FOXP1: variants seen among roughly 807,000 people sequenced by gnomAD.
FOXP1 encodes forkhead box protein P1.
In FOXP1, 15 loss-of-function variants were observed where a neutral mutation model predicts 98.2. The ratio of observed to expected loss-of-function variants is 0.15; its 90% confidence interval spans 0.10 to 0.24. FOXP1 has a LOEUF of 0.24. Ranked by LOEUF, FOXP1 falls within the 10% of genes least tolerant of loss-of-function variation. The probability of loss-of-function intolerance (pLI) is 1.00; values close to 1 mark genes in which losing one functional copy is unlikely to be tolerated. For missense variants in FOXP1, 633 were observed against 848.5 expected (o/e 0.75, Z 3.15); for synonymous variants, 371 against 314.5 (o/e 1.18, Z -1.90).
intron 4 of FOXP1, among the ~76,000 whole-genome samples, chr3:71,309,392 AT>A (rs539420592): frequency 0.029 from 4,332 of 147,630 alleles, 200 homozygotes; most frequent in African/African-American, 0.097. Context: ...TTATAACGTA[AT>A]TTTTTTTTTT....
Position 71,001,073 on chromosome 3 carries a change from T to C in FOXP1, c.975-14A>G, listed in dbSNP as rs201374957. ...CTGTTGAGATGTCTGCAACAATACA[T>C]AGAAAATCATTAAGTGAAATGGAGA... is the stretch of plus-strand genomic sequence containing the variant. On this transcript the variant is annotated splice_polypyrimidine_tract_variant and intron_variant, in intron 12 of 20. Transcript: ENST00000649528. 1,704 of 1,587,914 alleles carry C rather than the reference T, an allele frequency of 1.1e-3. 2 individuals carry two copies. The highest frequency in any genetic ancestry group is 1.5e-3 in the Admixed American group (87 of 59,960).
intron 5 of FOXP1, among the ~76,000 whole-genome samples, chr3:71,273,573 C>T (rs1197320905): frequency 1.3e-5 from 2 of 152,154 alleles, no homozygotes; most frequent in African/African-American, 2.4e-5. Context: ...AGTCCTACGC[C>T]GCCTCCATTA....
chr3:71,581,454 C>CA, intron 2 of FOXP1, 95 bp downstream of exon 2: 2 of 985,496 alleles, frequency 2.0e-6, no homozygotes, highest in Non-Finnish European at 2.4e-6. Context: ...AGGCTCGCGC[C>CA]ACCCCGGCTG....
At chr3:71,411,541 C>T (rs779209147) in intron 3 of FOXP1, among the ~76,000 whole-genome samples, 1 of 152,140 alleles carries the variant, frequency 6.6e-6, no homozygotes, top group Non-Finnish European at 1.5e-5. Flanking sequence ...CCAGGATGGT[C>T]TCGATCTCCT....
At chr3:71,272,288 G>A (rs932807164) in intron 5 of FOXP1, among the ~76,000 whole-genome samples, 1 of 152,172 alleles carries the variant, frequency 6.6e-6, no homozygotes, top group African/African-American at 2.4e-5. Context: ...CAATGAAAAC[G>A]AGAAATAATA....
Position 71,470,255 on chromosome 3 carries a change from G to C in FOXP1, c.-168+23171C>G, listed in dbSNP as rs180913448. Among the ~76,000 whole-genome samples the C allele has an allele frequency of 4.8e-3, 724 of 152,122 alleles. 5 individuals are homozygous for C. Among genetic ancestry groups the C allele is most frequent in the African/African-American group, 0.016 (653 of 41,496 alleles). ...CCTTCCTGAGCCTGTTTCTTCATCT[G>C]TAAAACAGGAATAATAACAGTATCT... On this transcript the variant is annotated intron_variant, in intron 3 of 20. Transcript: ENST00000649528.
chr3:71,311,077 GTT>G (rs1201821953), intron 4 of FOXP1, among the ~76,000 whole-genome samples: 1 of 151,822 alleles, frequency 6.6e-6, no homozygotes, highest in Non-Finnish European at 1.5e-5. Flanking sequence ...ACTTTTTTTT[GTT>G]TGTTTGTTTT....
chr3:71,055,590 C>G (rs927608622), intron 7 of FOXP1, among the ~76,000 whole-genome samples: 4 of 152,186 alleles, frequency 2.6e-5, no homozygotes, highest in African/African-American at 9.7e-5. Flanking sequence ...TTAGGGCAAA[C>G]ACCAGGAAGA....
chr3:71,288,423 C>G (rs1448128653), intron 5 of FOXP1: 1 of 152,138 alleles, frequency 6.6e-6, no homozygotes, highest in Non-Finnish European at 1.5e-5. Flanking sequence ...CTTAGGTAAT[C>G]TGAAAGGCAG....
Position 71,239,475 on chromosome 3 carries a change from C to G in FOXP1, c.-11-41083G>C, listed in dbSNP as rs1301080250. On this transcript the variant is annotated intron_variant, in intron 5 of 20. Transcript: ENST00000649528. ...AGGAGAATTGCTTAAACCTGGGAGG[C>G]AGAGGTTGCAGTGAGCCGAGATCAC... 2.0e-5 allele frequency among the ~76,000 whole-genome samples: 3 copies of G among 152,166 alleles called. No individual in the cohort carries two copies. The East Asian group carries it at 5.8e-4, about 29-fold the overall frequency.
intron 2 of FOXP1, among the ~76,000 whole-genome samples, chr3:71,530,367 C>A (rs572440143): frequency 1.3e-5 from 2 of 152,168 alleles, no homozygotes; most frequent in Non-Finnish European, 2.9e-5. Flanking sequence ...AGGCCCTCGA[C>A]AGGTGCAGCC....
intron 4 of FOXP1, among the ~76,000 whole-genome samples, chr3:71,312,195 G>A (rs144223771): frequency 7.7e-4 from 118 of 152,288 alleles, no homozygotes; most frequent in Middle Eastern, 3.4e-3. Context: ...CAAAAAGAAC[G>A]TTAACACTCC....
rs1369121355 is a variant in FOXP1 at position 70,958,697 on chromosome 3, C to G, written c.*550G>C. On this transcript the variant is annotated 3_prime_UTR_variant, in exon 21 of 21. Coordinates refer to ENST00000649528, the MANE Select transcript of FOXP1 (RefSeq NM_001349338.3). ...GATAATTATTTTTTAACCCCTCCCCCCAATACACACACAAAGGCCTTCCCC... is the reference window on the plus strand; with the variant it reads ...GATAATTATTTTTTAACCCCTCCCCGCAATACACACACAAAGGCCTTCCCC... 4.7e-6 allele frequency: 1 copy of G among 211,554 alleles called. No homozygotes were observed. The highest frequency in any genetic ancestry group is 2.4e-5 in the African/African-American group (1 of 41,024). The allele number at this position is 211,554 out of a possible 1,614,324, so 13.1% of individuals were successfully genotyped here.
chr3:71,474,941 T>G (rs1272240488), intron 3 of FOXP1, among the ~76,000 whole-genome samples: 1 of 152,134 alleles, frequency 6.6e-6, no homozygotes, highest in Non-Finnish European at 1.5e-5. Context: ...GCTGGAGAAC[T>G]GCTGTAGTTT....
Position 71,537,698 on chromosome 3 carries a change from GAAT to G in FOXP1, c.-298+43848_-298+43850del, listed in dbSNP as rs975138542. Among the ~76,000 whole-genome samples, 25 of 152,172 alleles carry G rather than the reference GAAT, an allele frequency of 1.6e-4. 1 individual carries two copies. The highest frequency in any genetic ancestry group is 6.0e-4 in the African/African-American group (25 of 41,444). ...TGCTTCATCTTTGAAATAGGGACAA[GAAT>G]AATACCTCCTCTAATGAAGCTGCTA... On this transcript the variant is annotated intron_variant, in intron 2 of 20. Coordinates refer to ENST00000649528, the MANE Select transcript of FOXP1 (RefSeq NM_001349338.3).
intron 2 of FOXP1, chr3:71,571,750 T>C (rs2047355736): frequency 1.3e-5 from 2 of 152,230 alleles, no homozygotes; most frequent in African/African-American, 2.4e-5. Context: ...AAATGAACAG[T>C]GTATTATTTA....
chr3:71,542,083 T>C (rs372871085), intron 2 of FOXP1: 6 of 521,720 alleles, frequency 1.2e-5, no homozygotes, highest in Non-Finnish European at 2.3e-5. Context: ...GGCTTATATA[T>C]CAAAATCATG....
At chr3:71,029,223 A>G (rs2046532066) in intron 11 of FOXP1, among the ~76,000 whole-genome samples, 1 of 152,088 alleles carries the variant, frequency 6.6e-6, no homozygotes, top group Admixed American at 6.5e-5. Flanking sequence ...CTCTGCAATG[A>G]AATTTAGGGC....
At chr3:71,568,266 C>T (rs190500358) in intron 2 of FOXP1, among the ~76,000 whole-genome samples, 2 of 152,210 alleles carry the variant, frequency 1.3e-5, no homozygotes, top group Non-Finnish European at 2.9e-5. Context: ...GGAATTTGAA[C>T]CCAATTTGAT....
Sources: allele counts gnomAD v4.1 joint callset (sites outside exome capture counted in the v4.1 genomes callset), GRCh38; gene constraint gnomAD v4.1.1; transcripts MANE v1.5; gene names NCBI Gene and HGNC (gene_info 2026-07-23, HGNC 2026-07-21).